The following PXDN variants were observed in gnomAD, a reference collection of about 807,000 sequenced individuals.
PXDN encodes the protein peroxidasin homolog.
Under a neutral mutation model 140.3 loss-of-function variants are expected in PXDN, and 77 were observed. The ratio of observed to expected loss-of-function variants is 0.55; its 90% CI spans 0.46 to 0.66. The LOEUF (loss-of-function observed/expected upper bound fraction) is 0.66, where lower values mean the gene tolerates loss of function less well. Ranked by LOEUF, PXDN falls within the 30% of genes least tolerant of loss-of-function variation. PXDN has a pLI of 0.00. For synonymous variants in PXDN, 911 were observed against 857.4 expected (o/e 1.06, Z -1.09); for missense variants, 1,838 against 2,039.5 (o/e 0.90, Z 1.90).
rs72079011 is a variant in PXDN at position 1,731,152 on chromosome 2, GCACA to G, written c.200+13100_200+13103del. ...ACAGAACACTGTTGAGAGCGCGCGC[GCACA>G]CACACACACACACACACACACACAT... is the stretch of plus-strand genomic sequence containing the variant. On this transcript the variant is annotated intron_variant, in intron 1 of 22. Transcript: ENST00000252804. Among the ~76,000 whole-genome samples the G allele has an allele frequency of 7.6e-3, 1,027 of 135,956 alleles. 12 individuals are homozygous for G. Among genetic ancestry groups the G allele is most frequent in the Admixed American group, 0.024 (333 of 14,072 alleles). 89.2% of individuals were successfully genotyped at this position (135,956 alleles called of 152,430 possible).
rs1682486972 is a variant in PXDN at position 1,634,214 on chromosome 2, TCCTC to T, written c.4426_4429del (p.Glu1476LysfsTer39). 6.3e-7 allele frequency: 1 copy of T among 1,586,132 alleles called. No homozygotes were observed. The highest frequency in any genetic ancestry group is 1.3e-5 in the African/African-American group (1 of 74,434). ...GAGCCTCCCAGGAGCCTAGGGCTTT[TCCTC>T]CGCCCTCTTCTGTAAGCAGACTGGA... is the stretch of plus-strand genomic sequence containing the variant. On this transcript the variant is annotated frameshift_variant, in exon 23 of 23. Coordinates refer to ENST00000252804, the MANE Select transcript of PXDN (RefSeq NM_012293.3). LOFTEE classifies it high-confidence loss of function.
chr2:1,715,135 G>C (rs572361794), intron 1 of PXDN, among the ~76,000 whole-genome samples: 5 of 152,136 alleles, frequency 3.3e-5, no homozygotes, highest in African/African-American at 1.2e-4. Flanking sequence ...CTGCCTTCCA[G>C]TCAGAAAAAC....
At chr2:1,650,361 C>G (rs1682986097) in intron 16 of PXDN, among the ~76,000 whole-genome samples, 2 of 152,240 alleles carry the variant, frequency 1.3e-5, no homozygotes, top group African/African-American at 2.4e-5. Context: ...CAAGCGCACG[C>G]TCCCATGAGC....
In PXDN at chr2:1,673,671, C is replaced by T; in HGVS notation, c.990G>A (p.Glu330=). 6.2e-7 allele frequency: 1 copy of T among 1,613,806 alleles called. No homozygotes were observed. Among genetic ancestry groups the T allele is most frequent in the South Asian group, 1.1e-5 (1 of 91,052 alleles). ...KNVAGEVKTQ[E]VTLRYFGSPA... is the part of the protein sequence containing the mutation. ...GAGACCCGAAGTACCTGAGGGTCAC[C>T]TCTTGCGTCTTCACCTCTCCGGCCA... The change falls in exon 9 of 23, where the codon GAG becomes GAA. Residue 330 remains glutamate, a synonymous_variant. Transcript: ENST00000252804.
intron 1 of PXDN, among the ~76,000 whole-genome samples, chr2:1,743,469 G>A (rs1342079544): frequency 6.6e-6 from 1 of 152,004 alleles, no homozygotes; most frequent in East Asian, 1.9e-4. Context: ...GGGCCCCCAG[G>A]ACACCCCAGG....
At chr2:1,743,403 G>A (rs1364482825) in intron 1 of PXDN, among the ~76,000 whole-genome samples, 1 of 152,124 alleles carries the variant, frequency 6.6e-6, no homozygotes, top group Non-Finnish European at 1.5e-5. Flanking sequence ...GGCCCCTCTC[G>A]GGAACCCCGG....
rs773130192 is a variant in PXDN, at chr2:1,635,413, A to G, written c.4315T>C (p.Cys1439Arg). Residue 1439 changes from cysteine (C) to arginine (R), a missense_variant, in exon 22 of 23, where the codon TGC becomes CGC. Physicochemically the swap from Cys to Arg is radical, Grantham distance 180. Around this residue, in one of 5 missense-constraint regions of PXDN, gnomAD observed 850 missense variants for 894.1 expected, o/e 0.95. Coordinates refer to ENST00000252804, the MANE Select transcript of PXDN (RefSeq NM_012293.3). ...ATAGAGCCCCCCATACTCACTTTGC[A>G]TTCACAAATGGTGCATGCATCTTTT... The part of the protein sequence containing the change: ...WKKDACTICE[C>R]KDGQVTCFVE... 5 of 1,583,112 alleles carry G rather than the reference A, an allele frequency of 3.2e-6. No homozygotes were observed. The highest frequency in any genetic ancestry group is 2.3e-5 in the East Asian group (1 of 43,914).
At chr2:1,744,093 C>G (rs1015049087) in intron 1 of PXDN, among the ~76,000 whole-genome samples, 163 bp downstream of exon 1, 4 of 151,750 alleles carry the variant, frequency 2.6e-5, no homozygotes, top group South Asian at 2.1e-4. Flanking sequence ...GGTCCCCCCA[C>G]GTCCCCCTTC....
At chr2:1,703,332 G>T (rs1396815971) in intron 1 of PXDN, among the ~76,000 whole-genome samples, 1 of 15,656 alleles carries the variant, frequency 6.4e-5, no homozygotes, top group African/African-American at 4.2e-4. Flanking sequence ...CAGGTGAAGG[G>T]AGGGCAACTC....
At chr2:1,679,492 ATGG>A (rs1683817455) in intron 7 of PXDN, among the ~76,000 whole-genome samples, 1 of 117,082 alleles carries the variant, frequency 8.5e-6, no homozygotes, top group Non-Finnish European at 1.8e-5. Context: ...TTGTGTGTAA[ATGG>A]TGTGTGTGTG....
At chr2:1,688,505 G>C (rs1383927587) in intron 3 of PXDN, among the ~76,000 whole-genome samples, 3 of 152,218 alleles carry the variant, frequency 2.0e-5, no homozygotes, top group Non-Finnish European at 4.4e-5. Flanking sequence ...ATTCCAAAAA[G>C]AGCCACAAAA....
intron 6 of PXDN, among the ~76,000 whole-genome samples, chr2:1,682,807 G>A (rs1365244753): frequency 2.6e-5 from 4 of 152,260 alleles, no homozygotes; most frequent in East Asian, 1.9e-4. Flanking sequence ...AGGCGTGGTC[G>A]CACGCGCCTG....
intron 6 of PXDN, among the ~76,000 whole-genome samples, chr2:1,681,203 C>T (rs77427271): frequency 0.018 from 2,784 of 152,148 alleles, 75 homozygotes; most frequent in Admixed American, 0.069. Context: ...CCATTTGCGG[C>T]GGGGAGAAGC....
rs1474781425 is a variant in PXDN, at chr2:1,660,862, T to C, written c.1837+19A>G. ...TTTGTGGATACCATGTGGGTAGATG[T>C]GGGCATGTGGCATCTTACCATTCAC... is the stretch of plus-strand genomic sequence containing the variant. On this transcript the variant is annotated intron_variant, in intron 14 of 22. Transcript: ENST00000252804. The surrounding 1 kb of genome is among the most constrained non-coding windows in gnomAD (Gnocchi z 4.6). 6.2e-7 allele frequency: 1 copy of C among 1,601,528 alleles called. No homozygotes were observed. The highest frequency in any genetic ancestry group is 8.5e-7 in the Non-Finnish European group (1 of 1,171,676).
intron 19 of PXDN, among the ~76,000 whole-genome samples, chr2:1,642,156 G>A (rs1031991431): frequency 6.6e-6 from 1 of 151,814 alleles, no homozygotes; most frequent in Admixed American, 6.6e-5. Context: ...ATGTGTGTGT[G>A]GGTGGTGGGG....
intron 8 of PXDN, among the ~76,000 whole-genome samples, chr2:1,675,031 C>A (rs1003341756): frequency 6.7e-6 from 1 of 148,296 alleles, no homozygotes; most frequent in Non-Finnish European, 1.5e-5. Flanking sequence ...CCACCTTCTC[C>A]CAAATCTTCC....
chr2:1,654,568 G>T, intron 14 of PXDN, 60 bp from the exon 15 acceptor site: 1 of 1,173,472 alleles, frequency 8.5e-7, no homozygotes, highest in Non-Finnish European at 1.3e-6. Flanking sequence ...CTCATAAAAT[G>T]ATGTCTAGAC....
At chr2:1,727,381 C>T (rs756788483) in intron 1 of PXDN, among the ~76,000 whole-genome samples, 3 of 152,216 alleles carry the variant, frequency 2.0e-5, no homozygotes, top group Non-Finnish European at 4.4e-5. Flanking sequence ...AAGTAGCATC[C>T]ATTGCAAGAG....
At chr2:1,661,327 C>T (rs1683299018) in intron 13 of PXDN, among the ~76,000 whole-genome samples, 1 of 152,198 alleles carries the variant, frequency 6.6e-6, no homozygotes, top group South Asian at 2.1e-4. Context: ...CCAATGATGG[C>T]TCCCTTAGAC....
Sources: allele counts gnomAD v4.1 joint callset (sites outside exome capture counted in the v4.1 genomes callset), GRCh38; gene constraint gnomAD v4.1.1; regional missense constraint gnomAD v4.1.1; non-coding constraint Gnocchi (gnomAD v3.1); transcripts MANE v1.5; gene names NCBI Gene and HGNC (gene_info 2026-07-23, HGNC 2026-07-21).